The following LGR4 variants were observed in gnomAD, a reference collection of about 807,000 sequenced individuals.
LGR4 encodes leucine-rich repeat-containing G protein-coupled receptor 4.
A neutral mutation model predicts 84.8 loss-of-function variants in LGR4; 44 were observed. That is an observed-to-expected ratio of 0.52 (90% CI 0.41 to 0.67). The LOEUF (loss-of-function observed/expected upper bound fraction) is 0.67. LGR4 is among the 30% of genes least tolerant of loss of function. LGR4 has a pLI of 0.00. For synonymous variants in LGR4, 429 were observed against 434.3 expected, an observed-to-expected ratio of 0.99 and a Z score of 0.15; for missense variants, 1,032 against 1,131.4, an observed-to-expected ratio of 0.91 and a Z score of 1.26.
rs1424469820 is a variant in LGR4, at chr11:27,391,802, T to TA, written c.330-638dup. 8.1e-4 allele frequency among the ~76,000 whole-genome samples: 123 copies of TA among 152,268 alleles called. 1 individual carries two copies. The highest frequency in any genetic ancestry group is 2.9e-3 in the African/African-American group (119 of 41,562). ...CCTGAAGCCATTCCTGTCACATTAA[T>TA]AAAATGACTGCCTGACGTGAGTCAT... On this transcript the variant is annotated intron_variant, in intron 3 of 17. Transcript: ENST00000379214.
intron 4 of LGR4, among the ~76,000 whole-genome samples, chr11:27,387,417 C>G (rs2199664): frequency 6.6e-6 from 1 of 152,160 alleles, no homozygotes; most frequent in Non-Finnish European, 1.5e-5. Context: ...TTACTCAAAA[C>G]GCATTTGGTC....
chr11:27,400,727 C>T (rs1480168012), intron 2 of LGR4, among the ~76,000 whole-genome samples: 1 of 152,010 alleles, frequency 6.6e-6, no homozygotes, highest in African/African-American at 2.4e-5. Flanking sequence ...GGTCTCCTGA[C>T]CTCAAATGAT....
chr11:27,430,941 C>T (rs1864105661), intron 1 of LGR4, among the ~76,000 whole-genome samples: 1 of 151,764 alleles, frequency 6.6e-6, no homozygotes, highest in African/African-American at 2.4e-5. Flanking sequence ...CCTCCTTCCA[C>T]CTTTGCACTT....
chr11:27,471,102 C>T (rs1023533803), intron 1 of LGR4, among the ~76,000 whole-genome samples: 4 of 152,108 alleles, frequency 2.6e-5, no homozygotes, highest in African/African-American at 9.7e-5. Context: ...AATAAGAACA[C>T]AAAAACCCTA....
intron 1 of LGR4, among the ~76,000 whole-genome samples, chr11:27,464,749 A>G (rs1018609849): frequency 2.5e-4 from 38 of 152,222 alleles, no homozygotes; most frequent in African/African-American, 9.2e-4. Context: ...CTTTAAAAAT[A>G]TAAGGGGATA....
Position 27,472,134 on chromosome 11 carries a change from C to T in LGR4, c.169G>A (p.Ala57Thr). ...CGCACTCACAGCGCTTGGGTGAAGG[C>T]GCTGAGCCCCTCGGGCACGGCCGTC... ...GLTAVPEGLS[A>T]FTQALDISMN... The change falls in exon 1 of 18, where the codon GCC (alanine) becomes ACC (threonine). Residue 57 changes from alanine (A) to threonine (T), a missense_variant. Ala to Thr is a moderately conservative substitution (Grantham distance 58). Coordinates refer to ENST00000379214, the MANE Select transcript of LGR4 (RefSeq NM_018490.5). 4.0e-6 allele frequency: 5 copies of T among 1,265,158 alleles called. No individual in the cohort carries two copies. The highest frequency in any genetic ancestry group is 5.0e-6 in the Non-Finnish European group (5 of 996,204). The allele number at this position is 1,265,158 out of a possible 1,614,324, so 78.4% of individuals were successfully genotyped here. A position where few individuals can be genotyped will look rare whatever the true frequency, so the allele number is the denominator to read the frequency against.
chr11:27,396,267 G>A, intron 2 of LGR4, among the ~76,000 whole-genome samples: 1 of 152,192 alleles, frequency 6.6e-6, no homozygotes, highest in East Asian at 1.9e-4. Context: ...GAGTGGACTT[G>A]AGCAAGTTAA....
chr11:27,400,558 A>G (rs1467022697), intron 2 of LGR4, among the ~76,000 whole-genome samples: 1 of 149,876 alleles, frequency 6.7e-6, no homozygotes. Flanking sequence ...GCTGGAGTGC[A>G]GTGGTGCAAT....
At chr11:27,384,255 T>G (rs1440181630) in intron 6 of LGR4, 81 bp downstream of exon 6, 10 of 874,376 alleles carry the variant, frequency 1.1e-5, no homozygotes, top group African/African-American at 1.7e-5. Context: ...AAGGCCAATA[T>G]TTTTTTCTTT....
chr11:27,459,634 A>C (rs1302382865), intron 1 of LGR4, among the ~76,000 whole-genome samples: 1 of 151,800 alleles, frequency 6.6e-6, no homozygotes, highest in Non-Finnish European at 1.5e-5. Flanking sequence ...CCACCACTGC[A>C]CCTGCCTAAT....
intron 1 of LGR4, among the ~76,000 whole-genome samples, chr11:27,438,327 A>G (rs1224616360): frequency 6.6e-6 from 1 of 152,222 alleles, no homozygotes; most frequent in Non-Finnish European, 1.5e-5. Context: ...TGAAAAATGT[A>G]TAGCAATAGT....
intron 2 of LGR4, among the ~76,000 whole-genome samples, chr11:27,394,737 C>T (rs1863355051): frequency 6.6e-6 from 1 of 152,156 alleles, no homozygotes; most frequent in African/African-American, 2.4e-5. Context: ...TGCAATGCTG[C>T]TCCTCTTGAA....
intron 17 of LGR4, among the ~76,000 whole-genome samples, chr11:27,369,558 TA>T (rs1862842599): frequency 6.6e-6 from 1 of 152,186 alleles, no homozygotes; most frequent in Non-Finnish European, 1.5e-5. Flanking sequence ...TAAAATTGTA[TA>T]AATTTTAACC....
chr11:27,382,148 C>T, intron 7 of LGR4, 40 bp downstream of exon 7: 1 of 1,315,602 alleles, frequency 7.6e-7, no homozygotes, highest in Non-Finnish European at 1.1e-6. Context: ...TGGTGAGTTT[C>T]AGGGATATGA....
chr11:27,446,629 A>T (rs1408959212), intron 1 of LGR4, among the ~76,000 whole-genome samples: 1 of 152,352 alleles, frequency 6.6e-6, no homozygotes, highest in Non-Finnish European at 1.5e-5. Flanking sequence ...CAATGTGGTG[A>T]TTCCTCAAGG....
chr11:27,395,285 C>G (rs955372416), intron 2 of LGR4, among the ~76,000 whole-genome samples: 9 of 151,884 alleles, frequency 5.9e-5, no homozygotes, highest in Admixed American at 5.9e-4. Context: ...TCTTTTGTCT[C>G]TAATATTAGT....
At chr11:27,446,154 T>A (rs7946359) in intron 1 of LGR4, among the ~76,000 whole-genome samples, 62,428 of 151,928 alleles carry the variant, frequency 0.41, 15,017 homozygotes, top group Middle Eastern at 0.56. Context: ...TGTAAATTTG[T>A]TTAAGTTCTT....
At chr11:27,452,901 T>C (rs1033311485) in intron 1 of LGR4, among the ~76,000 whole-genome samples, 1 of 152,034 alleles carries the variant, frequency 6.6e-6, no homozygotes, top group Non-Finnish European at 1.5e-5. Flanking sequence ...TGTGTATCAA[T>C]AGTTTGTATA....
At chr11:27,435,429 G>A (rs1041517969) in intron 1 of LGR4, among the ~76,000 whole-genome samples, 2 of 151,652 alleles carry the variant, frequency 1.3e-5, no homozygotes, top group African/African-American at 4.8e-5. Flanking sequence ...TCTAATGATG[G>A]TATTATCCTT....
Sources: allele counts gnomAD v4.1 joint callset (sites outside exome capture counted in the v4.1 genomes callset), GRCh38; gene constraint gnomAD v4.1.1; transcripts MANE v1.5; gene names NCBI Gene and HGNC (gene_info 2026-07-23, HGNC 2026-07-21).